Variants in LHPP observed in about 807,000 individuals in gnomAD.
The protein encoded by LHPP is phospholysine phosphohistidine inorganic pyrophosphate phosphatase.
Under a neutral mutation model 30.3 loss-of-function variants are expected in LHPP, and 24 were observed. The ratio of observed to expected loss-of-function variants is 0.79; its 90% CI spans 0.57 to 1.11. The LOEUF (loss-of-function observed/expected upper bound fraction) is 1.11, where lower values mean the gene tolerates loss of function less well. Ranked by LOEUF, LHPP falls within the 50% of genes most tolerant of loss-of-function variation. The pLI is 0.00. For missense variants in LHPP, 356 were observed against 367.2 expected, an observed-to-expected ratio of 0.97 and a Z score of 0.25; for synonymous variants, 150 against 157.1, an observed-to-expected ratio of 0.95 and a Z score of 0.34.
chr10:124,577,725 C>CACATGTGTAAAT (rs1948687408), intron 6 of LHPP, among the ~76,000 whole-genome samples: 1 of 152,006 alleles, frequency 6.6e-6, no homozygotes, highest in East Asian at 1.9e-4. Context: ...TATGTGTGCA[C>CACATGTGTAAAT]ACATATGCAC....
At chr10:124,555,461 C>T (rs1414207126) in intron 6 of LHPP, among the ~76,000 whole-genome samples, 1 of 152,138 alleles carries the variant, frequency 6.6e-6, no homozygotes, top group Non-Finnish European at 1.5e-5. Context: ...GGTGTGTCAG[C>T]GCTTTGCAGT....
intron 6 of LHPP, among the ~76,000 whole-genome samples, chr10:124,546,594 T>C (rs893353993): frequency 6.6e-6 from 1 of 152,122 alleles, no homozygotes; most frequent in Non-Finnish European, 1.5e-5. Context: ...GTATTTTTAG[T>C]AGAGATGGGG....
chr10:124,597,543 G>T (rs1948962475), intron 6 of LHPP, among the ~76,000 whole-genome samples: 1 of 152,240 alleles, frequency 6.6e-6, no homozygotes, highest in Non-Finnish European at 1.5e-5. Flanking sequence ...CGTGACTCCA[G>T]CGCCCCTAGG....
chr10:124,505,917 C>T (rs1322761953), intron 5 of LHPP, among the ~76,000 whole-genome samples: 2 of 152,148 alleles, frequency 1.3e-5, no homozygotes, highest in Admixed American at 1.3e-4. Flanking sequence ...AACACCTTGT[C>T]ATAGGCGCTT....
At chr10:124,548,818 A>G (rs1955412886) in intron 6 of LHPP, among the ~76,000 whole-genome samples, 1 of 152,228 alleles carries the variant, frequency 6.6e-6, no homozygotes, top group African/African-American at 2.4e-5. Context: ...TGTCTGGCAG[A>G]GCCTCAGCAG....
intron 6 of LHPP, among the ~76,000 whole-genome samples, chr10:124,606,960 CTT>C (rs934127110): frequency 8.5e-5 from 13 of 152,214 alleles, no homozygotes; most frequent in African/African-American, 2.9e-4. Context: ...TCTCTGCCCT[CTT>C]TTCTCTGCTT....
At chr10:124,483,951 G>A (rs993423472) in intron 1 of LHPP, among the ~76,000 whole-genome samples, 188 bp from the exon 2 acceptor site, 1 of 152,024 alleles carries the variant, frequency 6.6e-6, no homozygotes, top group Non-Finnish European at 1.5e-5. Flanking sequence ...TCTGAGAAGG[G>A]ATCTGCTTCA....
At chr10:124,469,598 TTA>T in intron 1 of LHPP, among the ~76,000 whole-genome samples, 1 of 152,092 alleles carries the variant, frequency 6.6e-6, no homozygotes, top group Non-Finnish European at 1.5e-5. Context: ...CGAGCCCTCA[TTA>T]AAGATGCATG....
At chr10:124,468,906 C>T (rs550299678) in intron 1 of LHPP, among the ~76,000 whole-genome samples, 1 of 152,338 alleles carries the variant, frequency 6.6e-6, no homozygotes, top group Admixed American at 6.5e-5. Context: ...GTGCAGGAAA[C>T]GCCCCCTCCA....
intron 1 of LHPP, among the ~76,000 whole-genome samples, chr10:124,463,050 G>A (rs972894745): frequency 2.6e-5 from 4 of 152,104 alleles, no homozygotes; most frequent in Admixed American, 2.6e-4. Flanking sequence ...TGTATTTTTA[G>A]TAGAGACGGG....
At position 124,592,551 on chromosome 10, in the gene LHPP, TCA is replaced by T. The variant is rs1229160104; in HGVS notation, c.717-20712_717-20711del. Among the ~76,000 whole-genome samples the T allele has an allele frequency of 1.3e-5, 2 of 152,144 alleles. No homozygotes were observed. Among genetic ancestry groups the T allele is most frequent in the Admixed American group, 6.5e-5 (1 of 15,286 alleles). On this transcript the variant is annotated intron_variant, in intron 6 of 6. Coordinates refer to ENST00000368842, the MANE Select transcript of LHPP (RefSeq NM_022126.4). The surrounding 1 kb of genome is among the most constrained non-coding windows in gnomAD (Gnocchi z 6.2). ...AAGTTCCCGATTTCCCTTCCAGTCC[TCA>T]GTTTCCCCTTCTCTCCGGCACCCTC...
intron 6 of LHPP, among the ~76,000 whole-genome samples, chr10:124,548,623 G>T (rs1955408970): frequency 1.3e-5 from 2 of 152,336 alleles, no homozygotes; most frequent in South Asian, 2.1e-4. Context: ...GGTGGGAGGA[G>T]GGCATGGGAG....
At chr10:124,489,966 T>G (rs894821828) in intron 3 of LHPP, 2 of 167,220 alleles carry the variant, frequency 1.2e-5, no homozygotes, top group East Asian at 2.0e-4. Context: ...TCTATGGCTG[T>G]CTGTCTGTGG....
chr10:124,525,719 G>C (rs1180724152), intron 6 of LHPP, among the ~76,000 whole-genome samples: 1 of 152,230 alleles, frequency 6.6e-6, no homozygotes, highest in East Asian at 1.9e-4. Context: ...TCCTCTGCTG[G>C]GTTTCCTGCC....
At chr10:124,605,921 GT>G (rs1466180333) in intron 6 of LHPP, among the ~76,000 whole-genome samples, 11 of 152,124 alleles carry the variant, frequency 7.2e-5, no homozygotes, top group African/African-American at 2.7e-4. Flanking sequence ...CACCCTGTGG[GT>G]TCCGGTGGTT....
At chr10:124,538,869 C>T (rs1955106668) in intron 6 of LHPP, among the ~76,000 whole-genome samples, 1 of 152,222 alleles carries the variant, frequency 6.6e-6, no homozygotes, top group Non-Finnish European at 1.5e-5. Flanking sequence ...AGCCACTCAG[C>T]TCCTGCAGCC....
At chr10:124,536,864 T>C (rs1955040961) in intron 6 of LHPP, among the ~76,000 whole-genome samples, 1 of 151,988 alleles carries the variant, frequency 6.6e-6, no homozygotes, top group Non-Finnish European at 1.5e-5. Flanking sequence ...TGTTGGAAGC[T>C]CTCTGAGGTC....
chr10:124,579,308 C>T (rs1948714970), intron 6 of LHPP, among the ~76,000 whole-genome samples: 1 of 152,252 alleles, frequency 6.6e-6, no homozygotes, highest in African/African-American at 2.4e-5. Context: ...AATCACAGCA[C>T]TGAGTGCCGT....
At chr10:124,470,122 C>T (rs1214984252) in intron 1 of LHPP, among the ~76,000 whole-genome samples, 3 of 152,160 alleles carry the variant, frequency 2.0e-5, no homozygotes, top group Non-Finnish European at 4.4e-5. Flanking sequence ...CTTTCATGGG[C>T]GGATTGGGTT....
Sources: allele counts gnomAD v4.1 joint callset (sites outside exome capture counted in the v4.1 genomes callset), GRCh38; gene constraint gnomAD v4.1.1; non-coding constraint Gnocchi (gnomAD v3.1); transcripts MANE v1.5; gene names NCBI Gene and HGNC (gene_info 2026-07-23, HGNC 2026-07-21).